Variants in CENPW observed in about 807,000 individuals in gnomAD.
CENPW encodes cancer-up-regulated gene 2 protein.
Under a neutral mutation model 11.1 loss-of-function variants are expected in CENPW, and 3 were observed. The observed-to-expected ratio is 0.27, with a 90% confidence interval of 0.12 to 0.70. The LOEUF (loss-of-function observed/expected upper bound fraction) is 0.70, where lower values mean the gene tolerates loss of function less well. CENPW is among the 30% of genes least tolerant of loss of function. The probability of loss-of-function intolerance (pLI) is 0.77; values close to 1 mark genes in which losing one functional copy is unlikely to be tolerated. For missense variants in CENPW, 100 were observed against 105.6 expected (o/e 0.95, Z 0.23); for synonymous variants, 38 against 42.0 (o/e 0.91, Z 0.37).
At chr6:126,463,108 C>T in the CENPW span, among the ~76,000 whole-genome samples, 2 of 151,884 alleles carry the variant, frequency 1.3e-5, no homozygotes, top group African/African-American at 2.4e-5. Flanking sequence ...TAATTTACTT[C>T]GTGACATTAT....
the CENPW span, among the ~76,000 whole-genome samples, chr6:126,471,223 C>T: frequency 1.3e-5 from 2 of 152,118 alleles, no homozygotes; most frequent in African/African-American, 4.8e-5. Context: ...TGCCATTTCC[C>T]CCATGGTATT....
At chr6:126,432,318 A>G in the CENPW span, among the ~76,000 whole-genome samples, 4 of 152,170 alleles carry the variant, frequency 2.6e-5, no homozygotes, top group East Asian at 7.7e-4. Context: ...GTTGTGTGCT[A>G]CATCCCACTA....
the CENPW span, among the ~76,000 whole-genome samples, chr6:126,435,368 A>T: frequency 6.6e-6 from 1 of 151,748 alleles, no homozygotes; most frequent in Admixed American, 6.6e-5. Context: ...ATTTATGGTG[A>T]TATTATGCTT....
the CENPW span, among the ~76,000 whole-genome samples, chr6:126,483,183 T>G: frequency 1.3e-5 from 2 of 151,890 alleles, no homozygotes; most frequent in Non-Finnish European, 2.9e-5. Context: ...AAACATTTAT[T>G]TGTAAATTTT....
the CENPW span, among the ~76,000 whole-genome samples, chr6:126,429,332 T>C: frequency 6.6e-6 from 1 of 152,148 alleles, no homozygotes; most frequent in Admixed American, 6.5e-5. Context: ...CCTGCCCAAA[T>C]CTCGTGTTGA....
the CENPW span, among the ~76,000 whole-genome samples, chr6:126,416,029 G>A: frequency 1.3e-5 from 2 of 152,198 alleles, no homozygotes; most frequent in Non-Finnish European, 2.9e-5. Context: ...GAAACTGTGG[G>A]AAAGTTGGGA....
At chr6:126,346,345 C>G (rs757155384) in intron 2 of CENPW, 27 bp downstream of exon 2, 1 of 1,444,682 alleles carries the variant, frequency 6.9e-7, no homozygotes, top group Non-Finnish European at 9.7e-7. Flanking sequence ...TTTTCTCGAG[C>G]AAGAATTAAA....
At chr6:126,351,501 TAGAAA>T (rs556195000), downstream of CENPW, among the ~76,000 whole-genome samples, 79 of 152,200 alleles carry the variant, frequency 5.2e-4, no homozygotes, top group African/African-American at 1.8e-3. Context: ...CTACCTGACT[TAGAAA>T]AGAAAGAGAA....
chr6:126,411,288 A>C, the CENPW span, among the ~76,000 whole-genome samples: 1 of 152,172 alleles, frequency 6.6e-6, no homozygotes, highest in African/African-American at 2.4e-5. Context: ...GGCTGTAGAA[A>C]TTTATGGCAG....
chr6:126,362,604 A>G, the CENPW span, among the ~76,000 whole-genome samples: 13 of 152,288 alleles, frequency 8.5e-5, no homozygotes, highest in Middle Eastern at 3.4e-3. Flanking sequence ...GGCTTTGTCT[A>G]GTGCTATCTT....
chr6:126,427,317 G>A, the CENPW span, among the ~76,000 whole-genome samples: 1 of 152,134 alleles, frequency 6.6e-6, no homozygotes, highest in African/African-American at 2.4e-5. Flanking sequence ...GGTAGAAGAA[G>A]CCACTTAGTG....
chr6:126,479,480 A>G, the CENPW span, among the ~76,000 whole-genome samples: 1 of 151,998 alleles, frequency 6.6e-6, no homozygotes, highest in African/African-American at 2.4e-5. Context: ...CATTCAAAAC[A>G]AAACAAGACT....
At chr6:126,481,384 T>A in the CENPW span, among the ~76,000 whole-genome samples, 2 of 152,054 alleles carry the variant, frequency 1.3e-5, no homozygotes, top group Admixed American at 6.6e-5. Flanking sequence ...GACTGGGTAA[T>A]GTATAAAGAA....
chr6:126,357,857 G>A, the CENPW span, among the ~76,000 whole-genome samples: 14 of 151,934 alleles, frequency 9.2e-5, no homozygotes, highest in African/African-American at 3.1e-4. Flanking sequence ...TCCGCCTGCC[G>A]CAGCCTCCCA....
rs114719870 is a variant in CENPW, at chr6:126,344,375, G to C, written c.127-1830G>C. On this transcript the variant is annotated intron_variant, in intron 1 of 2. Transcript: ENST00000368328. ...AGAGAAATTCAAAAGGCCTAGTGTA[G>C]AACTGGAAGCTTAGAACAGTGAGAG... 8.4e-3 allele frequency among the ~76,000 whole-genome samples: 1,284 copies of C among 152,304 alleles called. 15 individuals carry two copies. The highest frequency in any genetic ancestry group is 0.03 in the African/African-American group (1,235 of 41,556).
chr6:126,391,746 G>A, the CENPW span, among the ~76,000 whole-genome samples: 1 of 151,900 alleles, frequency 6.6e-6, no homozygotes, highest in African/African-American at 2.4e-5. Context: ...CCCAGTGTAT[G>A]TTTTTGGCAC....
the CENPW span, among the ~76,000 whole-genome samples, chr6:126,410,009 A>G: frequency 2.0e-5 from 3 of 151,520 alleles, no homozygotes; most frequent in South Asian, 4.2e-4. Flanking sequence ...TTGTTTTATC[A>G]TCGTGATATG....
chr6:126,396,421 TA>T, the CENPW span, among the ~76,000 whole-genome samples: 2 of 152,140 alleles, frequency 1.3e-5, no homozygotes, highest in African/African-American at 4.8e-5. Flanking sequence ...TGAATGCTGC[TA>T]GTCCTGAAAC....
the CENPW span, among the ~76,000 whole-genome samples, chr6:126,455,316 A>G: frequency 6.6e-6 from 1 of 151,548 alleles, no homozygotes; most frequent in Non-Finnish European, 1.5e-5. Flanking sequence ...TCAACAAAAT[A>G]CTAGCAAACT....
Sources: allele counts gnomAD v4.1 joint callset (sites outside exome capture counted in the v4.1 genomes callset), GRCh38; gene constraint gnomAD v4.1.1; transcripts MANE v1.5; gene names NCBI Gene and HGNC (gene_info 2026-07-23, HGNC 2026-07-21).